The following GNAI2 variants were observed in gnomAD, a reference collection of about 807,000 sequenced individuals.
GNAI2 encodes G protein subunit alpha i2.
In GNAI2, 4 loss-of-function variants were observed where a neutral mutation model predicts 36.8. The ratio of observed to expected loss-of-function variants is 0.11; its 90% CI spans 0.05 to 0.25. GNAI2 has a LOEUF of 0.25. GNAI2 is among the 10% of genes least tolerant of loss of function. GNAI2 has a pLI of 1.00. For synonymous variants in GNAI2, 194 were observed against 194.1 expected (o/e 1.00, Z 0.01); for missense variants, 230 against 481.3 (o/e 0.48, Z 4.89).
chr3:50,242,319 G>C lies in GNAI2; in HGVS notation c.118+5866G>C, dbSNP rs1265722596. On this transcript the variant is annotated intron_variant, in intron 1 of 8. Transcript: ENST00000313601. The surrounding 1 kb of genome is among the most constrained non-coding windows in gnomAD (Gnocchi z 4.8). The stretch of plus-strand genomic sequence containing the variant: ...GCAGATGGGGGCAAGGTACAGGCCA[G>C]GGAGTAGTCTCATCTTCCCAGCATC... Among the ~76,000 whole-genome samples the C allele has an allele frequency of 6.6e-6, 1 of 152,126 alleles. No individual in the cohort carries two copies. The highest frequency in any genetic ancestry group is 1.5e-5 in the Non-Finnish European group (1 of 68,022).
In GNAI2 at chr3:50,241,448, TGC is replaced by T. The variant is rs1553701128; in HGVS notation, c.118+4996_118+4997del. Among the ~76,000 whole-genome samples the T allele has an allele frequency of 3.8e-4, 58 of 152,316 alleles. No individual in the cohort carries two copies. The highest frequency in any genetic ancestry group is 1.3e-3 in the African/African-American group (55 of 41,574). ...CCTCTGCCTGCATCCTGCCCAGTTC[TGC>T]TAGGCTCAGCCCCTGCCTCTCACGC... On this transcript the variant is annotated intron_variant, in intron 1 of 8. Transcript: ENST00000313601. The surrounding 1 kb of genome is among the most constrained non-coding windows in gnomAD (Gnocchi z 5.0).
At chr3:50,249,969 T>G (rs1430476010) in intron 1 of GNAI2, among the ~76,000 whole-genome samples, 2 of 152,230 alleles carry the variant, frequency 1.3e-5, no homozygotes, top group East Asian at 3.9e-4. Context: ...AGCTAGGGAG[T>G]GAACCCAGTG....
chr3:50,233,673 A>G (rs1553700003), upstream of GNAI2, among the ~76,000 whole-genome samples: 4 of 152,152 alleles, frequency 2.6e-5, no homozygotes, highest in African/African-American at 9.7e-5. Flanking sequence ...AACATGTTGC[A>G]TGCCCATGGC....
In GNAI2 at chr3:50,241,020, G is replaced by C. The variant is rs587676750; in HGVS notation, c.118+4567G>C. ...CCCATCCTAGAGGCTGCCTGGCCTG[G>C]GTTTGGAGCCCTAGGGAACCCCCTC... On this transcript the variant is annotated intron_variant, in intron 1 of 8. Transcript: ENST00000313601. This position sits in a 1 kb window ranked among gnomAD's most constrained non-coding sequence, Gnocchi z 5.0. Among the ~76,000 whole-genome samples, 1 of 152,116 alleles carries C rather than the reference G, an allele frequency of 6.6e-6. No individual in the cohort carries two copies. The highest frequency in any genetic ancestry group is 6.5e-5 in the Admixed American group (1 of 15,286).
upstream of GNAI2, among the ~76,000 whole-genome samples, chr3:50,232,887 TGGG>T (rs1249487169): frequency 7.3e-6 from 1 of 136,656 alleles, no homozygotes; most frequent in Non-Finnish European, 1.6e-5. Context: ...CTGTGGCTGG[TGGG>T]GGGATCATGA....
chr3:50,254,425 C>T (rs1172638210), intron 4 of GNAI2, among the ~76,000 whole-genome samples: 1 of 152,174 alleles, frequency 6.6e-6, no homozygotes, highest in Non-Finnish European at 1.5e-5. Context: ...GGGTGGATTT[C>T]AGCAAGGGTG....
At chr3:50,232,794 G>A (rs1317277332), upstream of GNAI2, among the ~76,000 whole-genome samples, 1 of 151,944 alleles carries the variant, frequency 6.6e-6, no homozygotes, top group African/African-American at 2.4e-5. Flanking sequence ...AGATAGTGGG[G>A]ACAGAGAACA....
In GNAI2 at chr3:50,241,114, G is replaced by T. The variant is rs1053368650; in HGVS notation, c.118+4661G>T. ...GCGTGCAGATAGTTGGTGCCAGCAG[G>T]AGTGACAGACTGCCCTGGGGACCTT... is the stretch of plus-strand genomic sequence containing the variant. On this transcript the variant is annotated intron_variant, in intron 1 of 8. Coordinates refer to ENST00000313601, the MANE Select transcript of GNAI2 (RefSeq NM_002070.4). This position sits in a 1 kb window ranked among gnomAD's most constrained non-coding sequence, Gnocchi z 5.0. 1.3e-5 allele frequency among the ~76,000 whole-genome samples: 2 copies of T among 152,138 alleles called. No individual in the cohort carries two copies. Among genetic ancestry groups the T allele is most frequent in the African/African-American group, 4.8e-5 (2 of 41,440 alleles).
chr3:50,229,864 C>T (rs1700042695), upstream of GNAI2: 1 of 152,324 alleles, frequency 6.6e-6, no homozygotes, highest in Non-Finnish European at 1.5e-5. Flanking sequence ...AGGACAGGGC[C>T]CAGCTGCCTC....
At chr3:50,232,432 C>T (rs1700084003), upstream of GNAI2, among the ~76,000 whole-genome samples, 2 of 152,230 alleles carry the variant, frequency 1.3e-5, no homozygotes, top group African/African-American at 4.8e-5. Flanking sequence ...GGAGTCCTGA[C>T]CTCTGCCTGT....
At chr3:50,254,852 C>T (rs1382326264) in intron 4 of GNAI2, among the ~76,000 whole-genome samples, 2 of 152,248 alleles carry the variant, frequency 1.3e-5, no homozygotes, top group African/African-American at 4.8e-5. Flanking sequence ...ATAGCTCCCC[C>T]TGGGAATGGG....
chr3:50,234,795 C>T (rs188979978), upstream of GNAI2, among the ~76,000 whole-genome samples: 6 of 152,318 alleles, frequency 3.9e-5, 1 homozygote, highest in South Asian at 6.2e-4. Flanking sequence ...AAAATGCCTT[C>T]GTGGTTAATT....
chr3:50,248,791 C>A (rs1341296958), intron 1 of GNAI2, among the ~76,000 whole-genome samples: 1 of 152,106 alleles, frequency 6.6e-6, no homozygotes, highest in African/African-American at 2.4e-5. Flanking sequence ...ATTTAAGAGG[C>A]CTTAGGAGGG....
upstream of GNAI2, among the ~76,000 whole-genome samples, chr3:50,228,578 G>T (rs2109168172): frequency 6.6e-6 from 1 of 150,868 alleles, no homozygotes; most frequent in South Asian, 2.1e-4. Context: ...AAATTCAGAT[G>T]ATGTCATTCT....
rs1056579754 is a variant in GNAI2 at position 50,241,761 on chromosome 3, G to A, written c.118+5308G>A. Reference sequence around the variant, plus strand: ...GAGGCAGCATCACACCACCCACTATGTGTCAGAGCCTAGGCTGCTGGATGG... The same window carrying A: ...GAGGCAGCATCACACCACCCACTATATGTCAGAGCCTAGGCTGCTGGATGG... On this transcript the variant is annotated intron_variant, in intron 1 of 8. Coordinates refer to ENST00000313601, the MANE Select transcript of GNAI2 (RefSeq NM_002070.4). This position sits in a 1 kb window ranked among gnomAD's most constrained non-coding sequence, Gnocchi z 5.0. 6.6e-6 allele frequency among the ~76,000 whole-genome samples: 1 copy of A among 152,190 alleles called. No homozygotes were observed. The highest frequency in any genetic ancestry group is 1.5e-5 in the Non-Finnish European group (1 of 68,018).
chr3:50,249,827 C>T (rs587690346), intron 1 of GNAI2, among the ~76,000 whole-genome samples: 40 of 152,358 alleles, frequency 2.6e-4, no homozygotes, highest in African/African-American at 8.9e-4. Context: ...GGGCTCAGGC[C>T]TTTCCCCTCA....
rs1481323571 is a variant in GNAI2, at chr3:50,241,877, A to G, written c.118+5424A>G. On this transcript the variant is annotated intron_variant, in intron 1 of 8. Transcript: ENST00000313601. The surrounding 1 kb of genome is among the most constrained non-coding windows in gnomAD (Gnocchi z 5.0). The stretch of plus-strand genomic sequence containing the variant: ...CTGAGAGGTAGGGTCACTGAGTGCC[A>G]TCACTGATGTCCCAGGCCCTTGAAC... 2.0e-5 allele frequency among the ~76,000 whole-genome samples: 3 copies of G among 152,202 alleles called. No individual in the cohort carries two copies. Among genetic ancestry groups the G allele is most frequent in the Non-Finnish European group, 4.4e-5 (3 of 68,018 alleles).
chr3:50,249,073 G>C (rs1029590058), intron 1 of GNAI2, among the ~76,000 whole-genome samples: 89 of 152,136 alleles, frequency 5.9e-4, no homozygotes, highest in Non-Finnish European at 4.4e-5. Context: ...GCCTCAAGTG[G>C]GCAGGAGTCC....
upstream of GNAI2, among the ~76,000 whole-genome samples, chr3:50,233,927 G>A (rs1372846528): frequency 2.9e-5 from 4 of 137,922 alleles, no homozygotes; most frequent in African/African-American, 1.1e-4. Flanking sequence ...ACGGAGTCCT[G>A]CTCTGTTGCC....
Sources: allele counts gnomAD v4.1 joint callset (sites outside exome capture counted in the v4.1 genomes callset), GRCh38; gene constraint gnomAD v4.1.1; non-coding constraint Gnocchi (gnomAD v3.1); transcripts MANE v1.5; gene names NCBI Gene and HGNC (gene_info 2026-07-23, HGNC 2026-07-21).